The following CCNB3 variants were observed in gnomAD, a reference collection of about 807,000 sequenced individuals.
The protein encoded by CCNB3 is G2/mitotic-specific cyclin-B3.
In CCNB3, 12 loss-of-function variants were observed where a neutral mutation model predicts 68.0. The observed-to-expected ratio is 0.18, with a 90% CI of 0.11 to 0.29. CCNB3 has a LOEUF of 0.29. Ranked by LOEUF, CCNB3 falls within the 10% of genes least tolerant of loss-of-function variation. The pLI is 1.00. For missense variants in CCNB3, 904 were observed against 993.1 expected, an observed-to-expected ratio of 0.91 and a Z score of 1.21; for synonymous variants, 354 against 388.9, an observed-to-expected ratio of 0.91 and a Z score of 1.06.
chrX:50,348,780 T>G (rs1177992846), intron 11 of CCNB3, among the ~76,000 whole-genome samples: 1 of 112,054 alleles, frequency 8.9e-6, no homozygotes, highest in Non-Finnish European at 1.9e-5. Context: ...GAGCTAGGCT[T>G]TGGAAACTAG....
chrX:50,218,523 C>T (rs1935617221), intron 1 of CCNB3, among the ~76,000 whole-genome samples: 1 of 111,536 alleles, frequency 9.0e-6, no homozygotes, highest in African/African-American at 3.3e-5. Flanking sequence ...TGAGTGAGAA[C>T]ATGTGGTGTT....
At chrX:50,340,215 G>C (rs1557219370) in intron 8 of CCNB3, among the ~76,000 whole-genome samples, 2 of 111,898 alleles carry the variant, frequency 1.8e-5, no homozygotes, top group Non-Finnish European at 3.8e-5. Context: ...CAGTCATTAA[G>C]AGTAACCTAT....
At position 50,308,774 on chromosome X, in the gene CCNB3, GTGA is replaced by G; in HGVS notation, c.611_613del (p.Asp204del). On this transcript the variant is annotated inframe_deletion, in exon 6 of 13. Transcript: ENST00000376042. ...CAGCCCCTGCAGGAGGAGAGTGACA[GTGA>G]TGATGCGTTTGTTATAGAGCCAATG... 2 of 1,211,719 alleles carry G rather than the reference GTGA, an allele frequency of 1.7e-6. No homozygotes were observed. Among genetic ancestry groups the G allele is most frequent in the Non-Finnish European group, 2.2e-6 (2 of 895,462 alleles).
At chrX:50,316,818 T>A (rs1557215834) in intron 8 of CCNB3, among the ~76,000 whole-genome samples, 1 of 112,498 alleles carries the variant, frequency 8.9e-6, no homozygotes, top group Non-Finnish European at 1.9e-5. Context: ...TATTCTATGG[T>A]TCGGATATAT....
At chrX:50,281,152 G>A (rs2147015395) in intron 1 of CCNB3, among the ~76,000 whole-genome samples, 1 of 111,108 alleles carries the variant, frequency 9.0e-6, no homozygotes, top group South Asian at 3.9e-4. Flanking sequence ...CCTACTGCGA[G>A]GTCCTTCAGA....
chrX:50,226,077 TA>T (rs1284224054), intron 1 of CCNB3, among the ~76,000 whole-genome samples: 1 of 86,021 alleles, frequency 1.2e-5, no homozygotes, highest in Non-Finnish European at 2.2e-5. Context: ...CGAATATATA[TA>T]GAATATATAT....
intron 5 of CCNB3, among the ~76,000 whole-genome samples, chrX:50,304,858 A>G (rs1435386027): frequency 4.5e-5 from 5 of 112,291 alleles, no homozygotes; most frequent in Non-Finnish European, 9.4e-5. Context: ...ATGAACAGAC[A>G]CTTCTCAAAA....
At chrX:50,328,016 C>G (rs921950171) in intron 8 of CCNB3, among the ~76,000 whole-genome samples, 1 of 111,215 alleles carries the variant, frequency 9.0e-6, no homozygotes, top group African/African-American at 3.3e-5. Flanking sequence ...GGTGGAAGGG[C>G]CCACAAAACA....
chrX:50,282,222 G>A (rs759185515), intron 1 of CCNB3, among the ~76,000 whole-genome samples: 1 of 111,190 alleles, frequency 9.0e-6, no homozygotes, highest in South Asian at 3.8e-4. Flanking sequence ...GGAAAACTGG[G>A]TCCCAGAGAG....
chrX:50,301,976 G>A (rs890656565), intron 5 of CCNB3, among the ~76,000 whole-genome samples: 1 of 112,790 alleles, frequency 8.9e-6, no homozygotes, highest in Non-Finnish European at 1.9e-5. Context: ...TGTTAAGCCT[G>A]TTGGAAAAGC....
intron 5 of CCNB3, among the ~76,000 whole-genome samples, chrX:50,302,522 A>G (rs1557212898): frequency 1.8e-5 from 2 of 111,866 alleles, no homozygotes; most frequent in Non-Finnish European, 3.8e-5. Context: ...ATTCAATGGT[A>G]TTTAGTATAT....
At chrX:50,314,671 C>A (rs1557215529) in intron 8 of CCNB3, among the ~76,000 whole-genome samples, 2 of 111,577 alleles carry the variant, frequency 1.8e-5, no homozygotes, top group Non-Finnish European at 3.8e-5. Context: ...GTGGTAGACA[C>A]AGTATATCTG....
chrX:50,279,471 A>G (rs1365942902), intron 1 of CCNB3, among the ~76,000 whole-genome samples: 1 of 82,294 alleles, frequency 1.2e-5, no homozygotes, highest in East Asian at 3.7e-4. Context: ...TAAATATATA[A>G]ATATATGAAA....
chrX:50,345,648 T>C (rs2147103347), intron 9 of CCNB3, among the ~76,000 whole-genome samples: 1 of 111,390 alleles, frequency 9.0e-6, no homozygotes, highest in Non-Finnish European at 1.9e-5. Context: ...CCCTACCAAG[T>C]CCATGGAGGA....
intron 8 of CCNB3, among the ~76,000 whole-genome samples, chrX:50,329,367 A>T (rs945044684): frequency 9.8e-5 from 11 of 112,713 alleles, no homozygotes; most frequent in African/African-American, 3.5e-4. Context: ...ACATCCTCTG[A>T]AATCTAGGTG....
chrX:50,228,018 T>G (rs1445729959), intron 1 of CCNB3, among the ~76,000 whole-genome samples: 3 of 83,224 alleles, frequency 3.6e-5, no homozygotes, highest in African/African-American at 4.6e-5. Flanking sequence ...TATAAATATA[T>G]AGAGAGAATA....
intron 1 of CCNB3, among the ~76,000 whole-genome samples, chrX:50,221,735 A>G (rs1217852432): frequency 1.8e-5 from 2 of 111,695 alleles, no homozygotes; most frequent in Non-Finnish European, 3.8e-5. Flanking sequence ...GCTGAGAAGA[A>G]TGTATATTCT....
chrX:50,226,000 A>AAT (rs1935751636), intron 1 of CCNB3, among the ~76,000 whole-genome samples: 1 of 94,497 alleles, frequency 1.1e-5, no homozygotes, highest in Admixed American at 1.4e-4. Context: ...TGTATATATA[A>AAT]ATATATATAG....
At chrX:50,343,417 G>C (rs2147100821) in intron 9 of CCNB3, among the ~76,000 whole-genome samples, 1 of 112,027 alleles carries the variant, frequency 8.9e-6, no homozygotes, top group South Asian at 3.7e-4. Context: ...AAAGTAAAAA[G>C]TAAAGCCGGG....
Sources: gnomAD v4.1 joint callset for allele counts (sites outside exome capture counted in the v4.1 genomes callset) on GRCh38, gnomAD v4.1.1 for gene constraint, MANE v1.5 for transcripts, NCBI Gene and HGNC (gene_info 2026-07-23, HGNC 2026-07-21) for gene names.